ZSWIM5: variants seen among roughly 807,000 people sequenced by gnomAD.
ZSWIM5 encodes zinc finger SWIM domain-containing protein 5.
In ZSWIM5, 55 loss-of-function variants were observed where a neutral mutation model predicts 119.6. The ratio of observed to expected loss-of-function variants is 0.46; its 90% CI spans 0.37 to 0.58. The LOEUF (loss-of-function observed/expected upper bound fraction) is 0.58, where lower values mean the gene tolerates loss of function less well. ZSWIM5 is among the 20% of genes least tolerant of loss of function. The probability of loss-of-function intolerance (pLI) is 0.00; values close to 1 mark genes in which losing one functional copy is unlikely to be tolerated. For missense variants in ZSWIM5, 1,193 were observed against 1,512.8 expected (o/e 0.79, Z 3.51); for synonymous variants, 537 against 606.9 (o/e 0.88, Z 1.69).
At chr1:45,121,043 G>T (rs551623128) in intron 1 of ZSWIM5, among the ~76,000 whole-genome samples, 2 of 151,852 alleles carry the variant, frequency 1.3e-5, no homozygotes, top group African/African-American at 4.8e-5. Context: ...TCCACCGCCC[G>T]GGTTCACGCC....
chr1:45,120,114 T>G (rs1645582248), intron 1 of ZSWIM5, among the ~76,000 whole-genome samples: 1 of 152,126 alleles, frequency 6.6e-6, no homozygotes, highest in Non-Finnish European at 1.5e-5. Flanking sequence ...GAGGCCGAGG[T>G]GGGTGGATCA....
At chr1:45,193,955 T>TATATATAC (rs1553202842) in intron 1 of ZSWIM5, among the ~76,000 whole-genome samples, 1 of 151,678 alleles carries the variant, frequency 6.6e-6, no homozygotes, top group African/African-American at 2.4e-5. Flanking sequence ...TATATATATA[T>TATATATAC]ACATACATGC....
intron 11 of ZSWIM5, among the ~76,000 whole-genome samples, chr1:45,031,661 A>G (rs1644953951): frequency 6.6e-6 from 1 of 151,908 alleles, no homozygotes; most frequent in Admixed American, 6.6e-5. Context: ...AACACTGTGA[A>G]ATCCCACCTC....
Position 45,055,217 on chromosome 1 carries a change from C to G in ZSWIM5, c.1252+3392G>C, listed in dbSNP as rs1351618863. On this transcript the variant is annotated intron_variant, in intron 4 of 13. Transcript: ENST00000359600. ...GTGTCAGCCAGGATGGTCTCAATCTCCTGACCTCGTGATCCGCCTGCCTTG... is the reference window on the plus strand; with the variant it reads ...GTGTCAGCCAGGATGGTCTCAATCTGCTGACCTCGTGATCCGCCTGCCTTG... Among the ~76,000 whole-genome samples, 3 of 152,136 alleles carry G rather than the reference C, an allele frequency of 2.0e-5. No homozygotes were observed. In the East Asian group the frequency reaches 5.8e-4, roughly 29 times the overall value.
chr1:45,110,038 A>AT (rs891987474), intron 1 of ZSWIM5, among the ~76,000 whole-genome samples: 2 of 151,532 alleles, frequency 1.3e-5, no homozygotes, highest in East Asian at 3.9e-4. Flanking sequence ...CTAATTTTTA[A>AT]TTTTTTTTGG....
intron 1 of ZSWIM5, among the ~76,000 whole-genome samples, chr1:45,130,297 G>C (rs888992567): frequency 2.0e-5 from 3 of 151,616 alleles, no homozygotes; most frequent in Admixed American, 1.3e-4. Context: ...CTACAGACTG[G>C]GAGAAAATAT....
At chr1:45,069,157 T>C (rs1389904469) in intron 2 of ZSWIM5, among the ~76,000 whole-genome samples, 5 of 152,090 alleles carry the variant, frequency 3.3e-5, no homozygotes, top group Non-Finnish European at 5.9e-5. Context: ...CCAGGCACAA[T>C]GGCTCATGCC....
At chr1:45,184,248 T>G (rs970754958) in intron 1 of ZSWIM5, among the ~76,000 whole-genome samples, 4 of 152,040 alleles carry the variant, frequency 2.6e-5, no homozygotes, top group African/African-American at 7.2e-5. Flanking sequence ...GGGATGTATC[T>G]CAAAATAATA....
intron 1 of ZSWIM5, among the ~76,000 whole-genome samples, chr1:45,162,161 A>T (rs1305519076): frequency 6.6e-6 from 1 of 152,250 alleles, no homozygotes; most frequent in Non-Finnish European, 1.5e-5. Context: ...TGTACAACAG[A>T]TATCATAAAC....
At chr1:45,185,569 A>AC (rs1270750102) in intron 1 of ZSWIM5, among the ~76,000 whole-genome samples, 4 of 152,070 alleles carry the variant, frequency 2.6e-5, no homozygotes, top group Non-Finnish European at 4.4e-5. Context: ...AAAACAAACA[A>AC]CCCCATCAAA....
chr1:45,197,823 A>T (rs1646135156), intron 1 of ZSWIM5, among the ~76,000 whole-genome samples: 1 of 152,252 alleles, frequency 6.6e-6, no homozygotes, highest in African/African-American at 2.4e-5. Flanking sequence ...CCTATCAGAG[A>T]AACATGAATA....
chr1:45,043,144 G>A (rs191499407), intron 6 of ZSWIM5, 75 bp downstream of exon 6: 44 of 1,436,478 alleles, frequency 3.1e-5, no homozygotes, highest in East Asian at 1.1e-4. Flanking sequence ...TTGCAGGTAC[G>A]TATGAAGATG....
chr1:45,051,042 G>A, intron 5 of ZSWIM5, 32 bp downstream of exon 5: 2 of 1,595,132 alleles, frequency 1.3e-6, no homozygotes, highest in South Asian at 1.1e-5. Flanking sequence ...GAAGTTCCAG[G>A]TACAAAGAGC....
intron 1 of ZSWIM5, among the ~76,000 whole-genome samples, chr1:45,135,178 T>C (rs1290521277): frequency 6.6e-6 from 1 of 151,928 alleles, no homozygotes; most frequent in Non-Finnish European, 1.5e-5. Flanking sequence ...AAAAATACCA[T>C]TTTACATTCC....
intron 1 of ZSWIM5, among the ~76,000 whole-genome samples, chr1:45,136,018 G>A (rs370238094): frequency 6.6e-6 from 1 of 151,994 alleles, no homozygotes; most frequent in East Asian, 1.9e-4. Context: ...GCACCATCAC[G>A]CCTGGCTAAT....
intron 1 of ZSWIM5, among the ~76,000 whole-genome samples, chr1:45,094,150 G>A (rs950016143): frequency 1.3e-5 from 2 of 151,738 alleles, no homozygotes; most frequent in East Asian, 3.9e-4. Context: ...CCAACTTCCT[G>A]GTTCAAGTGA....
In ZSWIM5 at chr1:45,051,144, C is replaced by T; in HGVS notation, c.1362G>A (p.Glu454=). Residue 454 remains glutamate (E), a synonymous_variant, in exon 5 of 14, where the codon GAG becomes GAA. Coordinates refer to ENST00000359600, the MANE Select transcript of ZSWIM5 (RefSeq NM_020883.2). ...GCAGCTCATGTCCATAGTTTCCATCCTCCAGGGGACAGACATCCAGGTCGC... is the reference window on the plus strand; with the variant it reads ...GCAGCTCATGTCCATAGTTTCCATCTTCCAGGGGACAGACATCCAGGTCGC... ...KWSDLDVCPL[E]DGNYGHELPN... 6.2e-7 allele frequency: 1 copy of T among 1,614,184 alleles called. No individual in the cohort carries two copies. The highest frequency in any genetic ancestry group is 8.5e-7 in the Non-Finnish European group (1 of 1,180,028).
chr1:45,093,816 C>T (rs1282553882), intron 1 of ZSWIM5, among the ~76,000 whole-genome samples: 1 of 149,276 alleles, frequency 6.7e-6, no homozygotes, highest in Non-Finnish European at 1.5e-5. Context: ...CATCAATAAT[C>T]TATTAATTTA....
chr1:45,120,582 G>A (rs1645585312), intron 1 of ZSWIM5, among the ~76,000 whole-genome samples: 1 of 151,908 alleles, frequency 6.6e-6, no homozygotes, highest in Admixed American at 6.6e-5. Flanking sequence ...TCCTGCCTCA[G>A]CATCCTTCCT....
Sources: allele counts gnomAD v4.1 joint callset (sites outside exome capture counted in the v4.1 genomes callset), GRCh38; gene constraint gnomAD v4.1.1; transcripts MANE v1.5; gene names NCBI Gene and HGNC (gene_info 2026-07-23, HGNC 2026-07-21).